TOP2A: variants seen among roughly 807,000 people sequenced by gnomAD.
TOP2A encodes the protein DNA topoisomerase II alpha, also known as DNA topoisomerase 2-alpha.
Under a neutral mutation model 187.2 loss-of-function variants are expected in TOP2A, and 68 were observed. The ratio of observed to expected loss-of-function variants is 0.36; its 90% CI spans 0.30 to 0.44. TOP2A has a LOEUF of 0.44. Ranked by LOEUF, TOP2A falls within the 20% of genes least tolerant of loss-of-function variation. The pLI, the probability that TOP2A is intolerant of heterozygous loss-of-function variation, is 1.00. For missense variants in TOP2A, 1,196 were observed against 1,808.7 expected, an observed-to-expected ratio of 0.66 and a Z score of 6.14; for synonymous variants, 542 against 593.2, an observed-to-expected ratio of 0.91 and a Z score of 1.25.
chr17:40,390,041 C>T lies in TOP2A; in HGVS notation c.4391G>A (p.Arg1464His), dbSNP rs745742898. Residue 1464 changes from arginine (R) to histidine (H), a missense_variant, in exon 34 of 35, where the codon CGC (arginine) becomes CAC (histidine). By Grantham distance (29) the Arg-to-His change is conservative. Around this residue, in one of 10 missense-constraint regions of TOP2A, gnomAD observed 374 missense variants for 403.3 expected, o/e 0.93. Coordinates refer to ENST00000423485, the MANE Select transcript of TOP2A (RefSeq NM_001067.4). ...ATCAGAAGTGGATGGCTTCCTTTTG[C>T]GGCGATTCTTGGTTTTGGCAGGATC... The part of the protein sequence containing the change: ...KPDPAKTKNR[R>H]KRKPSTSDDS... 2.6e-5 allele frequency: 42 copies of T among 1,613,662 alleles called. No individual in the cohort carries two copies. The highest frequency in any genetic ancestry group is 5.0e-5 in the Admixed American group (3 of 59,968).
chr17:40,408,711 A>C (rs1450039412), intron 10 of TOP2A, 81 bp from the exon 11 acceptor site: 6 of 1,397,420 alleles, frequency 4.3e-6, no homozygotes, highest in Non-Finnish European at 6.1e-6. Context: ...AATGAGCCTT[A>C]ATACAAATAA....
At chr17:40,408,297 T>C (rs2035272684) in intron 11 of TOP2A, among the ~76,000 whole-genome samples, 173 bp from the exon 12 acceptor site, 1 of 152,148 alleles carries the variant, frequency 6.6e-6, no homozygotes, top group Non-Finnish European at 1.5e-5. Flanking sequence ...TACTCCAAAA[T>C]AATCACCTCA....
rs779477113 is a variant in TOP2A, at chr17:40,411,434, C to T, written c.985G>A (p.Val329Ile). 1 of 1,613,796 alleles carries T rather than the reference C, an allele frequency of 6.2e-7. No homozygotes were observed. The highest frequency in any genetic ancestry group is 1.1e-5 in the South Asian group (1 of 91,072). ...TSKGGRHVDYVADQIVTKLVD... is the reference protein window; with the variant it reads ...TSKGGRHVDYIADQIVTKLVD... ...AGTTTAGTCACAATCTGATCAGCTACATAATCAACATGTCTGCCACCCTAA... is the reference window on the plus strand; with the variant it reads ...AGTTTAGTCACAATCTGATCAGCTATATAATCAACATGTCTGCCACCCTAA... The change falls in exon 9 of 35, where the codon GTA becomes ATA. Residue 329 changes from valine (V) to isoleucine (I), a missense_variant. Val to Ile is a conservative substitution (Grantham distance 29, BLOSUM62 3). This residue lies in a region of TOP2A where 252 missense variants were observed against 434.8 expected (regional missense o/e 0.58). Transcript: ENST00000423485. The surrounding 1 kb of genome is among the most constrained non-coding windows in gnomAD (Gnocchi z 4.4).
intron 23 of TOP2A, 47 bp from the exon 24 acceptor site, chr17:40,400,114 A>G: frequency 6.3e-7 from 1 of 1,589,546 alleles, no homozygotes; most frequent in South Asian, 1.1e-5. Context: ...CAAATTGGCT[A>G]AACTTTATAA....
intron 34 of TOP2A, 70 bp downstream of exon 34, chr17:40,389,895 T>C: frequency 4.8e-6 from 7 of 1,454,860 alleles, no homozygotes; most frequent in Non-Finnish European, 6.4e-6. Flanking sequence ...GCCAAATTTT[T>C]AAGAGCAATG....
chr17:40,407,695 A>C, intron 12 of TOP2A, 21 bp from the exon 13 acceptor site: 4 of 1,552,176 alleles, frequency 2.6e-6, no homozygotes, highest in Non-Finnish European at 3.5e-6. Context: ...CATATACCAA[A>C]AAAAGCATCG....
rs1326791156 is a variant in TOP2A at position 40,406,994 on chromosome 17, T to C, written c.1627-52A>G. The C allele has an allele frequency of 5.0e-6, 7 of 1,409,430 alleles. No homozygotes were observed. The Admixed American group carries it at 1.2e-4, about 24-fold the overall frequency. The allele number at this position is 1,409,430 out of a possible 1,614,324, so 87.3% of individuals were successfully genotyped here. ...AAAAGAACTGTTAGGCTGGGCGTGG[T>C]AGCTAACATCTGTAATCCCAGAACT... On this transcript the variant is annotated intron_variant, in intron 13 of 34. Transcript: ENST00000423485.
intron 4 of TOP2A, 93 bp downstream of exon 4, chr17:40,415,912 C>T: frequency 1.2e-6 from 1 of 856,146 alleles, no homozygotes; most frequent in Non-Finnish European, 1.9e-6. Context: ...TTCTCAACTT[C>T]TGTTTAGGAA....
In TOP2A at chr17:40,413,390, T is replaced by C. The variant is rs573181042; in HGVS notation, c.478+90A>G. ...AGAGCTATTCAATTATAGAGATTTA[T>C]TTCCATATCTTTAACCCTCATGCCA... On this transcript the variant is annotated intron_variant, in intron 5 of 34. Coordinates refer to ENST00000423485, the MANE Select transcript of TOP2A (RefSeq NM_001067.4). 1.4e-4 allele frequency: 190 copies of C among 1,391,424 alleles called. No individual in the cohort carries two copies. The African/African-American group carries it at 2.6e-3, about 19-fold the overall frequency. The allele number at this position is 1,391,424 out of a possible 1,614,324, so 86.2% of individuals were successfully genotyped here. A position where few individuals can be genotyped will look rare whatever the true frequency, so the allele number is the denominator to read the frequency against.
rs201279322 is a variant in TOP2A at position 40,400,972 on chromosome 17, C to A, written c.2542G>T (p.Val848Leu). The change falls in exon 21 of 35, where the codon GTG becomes TTG. Residue 848 changes from valine to leucine, a missense_variant. Val to Leu is a conservative substitution (Grantham distance 32). This residue lies in a region of TOP2A where 209 missense variants were observed against 376.9 expected (regional missense o/e 0.55). Coordinates refer to ENST00000423485, the MANE Select transcript of TOP2A (RefSeq NM_001067.4). ...ATTCCTTCAGCACCATTTATCAGCA[C>A]CATGGGAATAATAGGAATGTACCAT... ...PEWYIPIIPM[V>L]LINGAEGIGT... is the part of the protein sequence containing the mutation. 1.8e-4 allele frequency: 294 copies of A among 1,613,822 alleles called. No individual in the cohort carries two copies. The highest frequency in any genetic ancestry group is 5.1e-5 in the Non-Finnish European group (60 of 1,179,884).
Position 40,413,576 on chromosome 17 carries a change from CA to C in TOP2A, c.381del (p.Val128LeufsTer19). ...SIWNNGKGIP[V>X]VEHKVEKMYV... ...TACATCTTTTCAACTTTGTGTTCAA[CA>C]ACAGGAATACCTTTTCCATTATTCC... On this transcript the variant is annotated frameshift_variant, in exon 5 of 35. Transcript: ENST00000423485. LOFTEE classifies it high-confidence loss of function. 6.7e-7 allele frequency: 1 copy of C among 1,496,566 alleles called. No individual in the cohort carries two copies. Among genetic ancestry groups the C allele is most frequent in the Admixed American group, 2.0e-5 (1 of 49,702 alleles). The allele number at this position is 1,496,566 out of a possible 1,614,324, so 92.7% of individuals were successfully genotyped here.
intron 16 of TOP2A, 34 bp from the exon 17 acceptor site, chr17:40,404,917 A>G: frequency 1.1e-5 from 14 of 1,298,096 alleles, no homozygotes; most frequent in Non-Finnish European, 1.5e-5. Flanking sequence ...TGTCACTGGT[A>G]CTAATAGGCT....
intron 16 of TOP2A, among the ~76,000 whole-genome samples, 198 bp downstream of exon 16, chr17:40,406,186 C>A (rs1461583892): frequency 1.3e-5 from 2 of 152,176 alleles, no homozygotes; most frequent in African/African-American, 4.8e-5. Flanking sequence ...TAGGCATGAG[C>A]CACCAAGCCC....
Position 40,389,976 on chromosome 17 carries a change from C to T in TOP2A, c.4456G>A (p.Val1486Ile), listed in dbSNP as rs555324915. The change falls in exon 34 of 35, where the codon GTC becomes ATC. Residue 1486 changes from valine (V) to isoleucine (I), a missense_variant. Transcript: ENST00000423485. ...SNFEKIVSKA[V>I]TSKKSKGESD... ...GGATCAACACTCACCTTGCTTGTGA[C>T]TGCTTTCGAAACAATTTTCTCAAAA... The T allele has an allele frequency of 2.5e-6, 4 of 1,613,094 alleles. No homozygotes were observed. The highest frequency in any genetic ancestry group is 1.7e-5 in the Admixed American group (1 of 59,874).
rs539588854 is a variant in TOP2A, at chr17:40,414,252, T to C, written c.333-627A>G. Among the ~76,000 whole-genome samples, 14 of 152,302 alleles carry C rather than the reference T, an allele frequency of 9.2e-5. 1 individual carries two copies. In the South Asian group the frequency reaches 1.9e-3, roughly 20 times the overall value. The stretch of plus-strand genomic sequence containing the variant: ...TCGCTCTGTCACCCAGGCTGCAGTG[T>C]AATGGCAGGATCACAGCTTACTGCA... On this transcript the variant is annotated intron_variant, in intron 4 of 34. Transcript: ENST00000423485.
rs776265163 is a variant in TOP2A at position 40,417,845 on chromosome 17, C to A, written c.-54G>T. ...CCTGAAAGCGACTAAACAGGCAGGA[C>A]CCCACGAGACCACCCCCGACCAAGC... On this transcript the variant is annotated 5_prime_UTR_variant, in exon 1 of 35. Transcript: ENST00000423485. 5 of 1,608,650 alleles carry A rather than the reference C, an allele frequency of 3.1e-6. No individual in the cohort carries two copies. Among genetic ancestry groups the A allele is most frequent in the Middle Eastern group, 1.7e-4 (1 of 6,054 alleles).
At chr17:40,415,599 T>C (rs975015080) in intron 4 of TOP2A, among the ~76,000 whole-genome samples, 11 of 152,234 alleles carry the variant, frequency 7.2e-5, no homozygotes, top group Non-Finnish European at 1.5e-4. Flanking sequence ...TTAAAGCAAT[T>C]ACTGAAGGTG....
Position 40,390,178 on chromosome 17 carries a change from C to T in TOP2A, c.4268-14G>A. On this transcript the variant is annotated splice_polypyrimidine_tract_variant and intron_variant, in intron 33 of 34. Coordinates refer to ENST00000423485, the MANE Select transcript of TOP2A (RefSeq NM_001067.4). ...TGGAAGACTGACCTGCAATTCAATACAGGCATTTGTCACAGCTGCTCTTTT... is the reference window on the plus strand; with the variant it reads ...TGGAAGACTGACCTGCAATTCAATATAGGCATTTGTCACAGCTGCTCTTTT... 6.2e-7 allele frequency: 1 copy of T among 1,600,866 alleles called. No individual in the cohort carries two copies. Among genetic ancestry groups the T allele is most frequent in the Non-Finnish European group, 8.5e-7 (1 of 1,174,358 alleles).
chr17:40,400,131 A>C (rs2035157744), intron 23 of TOP2A, 64 bp from the exon 24 acceptor site: 1 of 1,582,608 alleles, frequency 6.3e-7, no homozygotes, highest in Non-Finnish European at 8.6e-7. Flanking sequence ...ATAAAGGTAG[A>C]CTAAGATATA....
Sources: gnomAD v4.1 joint callset for allele counts (sites outside exome capture counted in the v4.1 genomes callset) on GRCh38, gnomAD v4.1.1 for gene constraint, gnomAD v4.1.1 regional missense constraint, Gnocchi (gnomAD v3.1) non-coding constraint, MANE v1.5 for transcripts, NCBI Gene and HGNC (gene_info 2026-07-23, HGNC 2026-07-21) for gene names.